The following PDGFC variants were observed in gnomAD, a reference collection of about 807,000 sequenced individuals.
The protein encoded by PDGFC is platelet-derived growth factor C.
PDGFC carries 12 observed loss-of-function variants against 35.5 expected under a neutral mutation model. The observed-to-expected ratio is 0.34, with a 90% CI of 0.22 to 0.55. The LOEUF is 0.55. PDGFC is among the 20% of genes least tolerant of loss of function. The probability of loss-of-function intolerance (pLI) is 0.91; values close to 1 mark genes in which losing one functional copy is unlikely to be tolerated. For synonymous variants in PDGFC, 159 were observed against 148.8 expected (o/e 1.07, Z -0.50); for missense variants, 322 against 412.4 (o/e 0.78, Z 1.90).
chr4:156,799,282 T>G (rs1731531851), intron 3 of PDGFC, among the ~76,000 whole-genome samples: 1 of 152,146 alleles, frequency 6.6e-6, no homozygotes, highest in Non-Finnish European at 1.5e-5. Flanking sequence ...AGTGGTAACA[T>G]CTATGCAGAC....
chr4:156,866,595 T>C (rs1385056299), intron 1 of PDGFC, among the ~76,000 whole-genome samples: 1 of 152,150 alleles, frequency 6.6e-6, no homozygotes, highest in East Asian at 1.9e-4. Context: ...ATTTCATGCA[T>C]ACACTACATT....
At chr4:156,810,108 A>C (rs1012023592) in intron 3 of PDGFC, among the ~76,000 whole-genome samples, 1 of 152,056 alleles carries the variant, frequency 6.6e-6, no homozygotes, top group East Asian at 1.9e-4. Context: ...GCAAATAATC[A>C]GTATTAAACT....
intron 1 of PDGFC, among the ~76,000 whole-genome samples, chr4:156,940,338 T>G (rs1392190890): frequency 1.3e-5 from 2 of 152,088 alleles, no homozygotes; most frequent in African/African-American, 4.8e-5. Flanking sequence ...AATAGTAAAG[T>G]AAATGCCCTA....
chr4:156,811,059 G>GT, intron 2 of PDGFC, 42 bp from the exon 3 acceptor site: 2 of 1,340,788 alleles, frequency 1.5e-6, no homozygotes, highest in South Asian at 2.9e-5. Flanking sequence ...TTCATAATCT[G>GT]TTATTCTGGC....
chr4:156,824,769 T>C lies in PDGFC; in HGVS notation c.315-13752A>G, dbSNP rs1732395000. 2.6e-5 allele frequency among the ~76,000 whole-genome samples: 4 copies of C among 152,280 alleles called. 1 individual carries two copies. The highest frequency in any genetic ancestry group is 6.8e-3 in the Middle Eastern group (2 of 294). On this transcript the variant is annotated intron_variant, in intron 2 of 5. Coordinates refer to ENST00000502773, the MANE Select transcript of PDGFC (RefSeq NM_016205.3). Reference sequence around the variant, plus strand: ...AATGTTAACTGAGAGATGGCTTCCATGACAAAGGACACTATTCATAGTCCT... The same window carrying C: ...AATGTTAACTGAGAGATGGCTTCCACGACAAAGGACACTATTCATAGTCCT...
chr4:156,780,635 T>C (rs1189858934), intron 3 of PDGFC, among the ~76,000 whole-genome samples: 2 of 152,176 alleles, frequency 1.3e-5, no homozygotes, highest in African/African-American at 4.8e-5. Flanking sequence ...GGCCTTACTT[T>C]GGAGTAAGAA....
intron 1 of PDGFC, among the ~76,000 whole-genome samples, chr4:156,954,540 G>A (rs552721275): frequency 6.6e-6 from 1 of 151,986 alleles, no homozygotes; most frequent in East Asian, 1.9e-4. Flanking sequence ...AACTTGCGAT[G>A]GTCATGCTCT....
intron 1 of PDGFC, among the ~76,000 whole-genome samples, chr4:156,900,102 T>A (rs2110759567): frequency 6.6e-6 from 1 of 152,290 alleles, no homozygotes; most frequent in South Asian, 2.1e-4. Flanking sequence ...TAAAGTCTCA[T>A]CCTCCTCATC....
chr4:156,969,111 A>G (rs1196833009), intron 1 of PDGFC, among the ~76,000 whole-genome samples: 1 of 152,184 alleles, frequency 6.6e-6, no homozygotes, highest in Non-Finnish European at 1.5e-5. Context: ...GCAATAGGAG[A>G]AATGATATGG....
At chr4:156,901,681 G>A (rs903627095) in intron 1 of PDGFC, among the ~76,000 whole-genome samples, 2 of 151,992 alleles carry the variant, frequency 1.3e-5, no homozygotes, top group African/African-American at 4.8e-5. Flanking sequence ...GAGTGCCAGT[G>A]GCACGATCTC....
intron 1 of PDGFC, among the ~76,000 whole-genome samples, chr4:156,867,425 G>A (rs1016625406): frequency 5.9e-5 from 9 of 152,172 alleles, no homozygotes; most frequent in African/African-American, 1.7e-4. Flanking sequence ...AGCATGCAAT[G>A]TCTTCACATT....
intron 1 of PDGFC, among the ~76,000 whole-genome samples, chr4:156,906,328 T>A (rs943421692): frequency 1.3e-5 from 2 of 152,156 alleles, no homozygotes; most frequent in Non-Finnish European, 1.5e-5. Context: ...TATAGTAAAT[T>A]CAATTTCTAT....
chr4:156,928,697 A>G (rs1043888315), intron 1 of PDGFC, among the ~76,000 whole-genome samples: 13 of 152,210 alleles, frequency 8.5e-5, no homozygotes, highest in Non-Finnish European at 4.4e-5. Flanking sequence ...TCTTTTTACC[A>G]TTTTTAAGAG....
intron 1 of PDGFC, among the ~76,000 whole-genome samples, chr4:156,895,646 A>AC (rs1179276354): frequency 6.6e-6 from 1 of 152,046 alleles, no homozygotes; most frequent in African/African-American, 2.4e-5. Context: ...AAAAAAAAAA[A>AC]AGTGGGTGCC....
chr4:156,943,137 G>A (rs1456162624), intron 1 of PDGFC, among the ~76,000 whole-genome samples: 1 of 151,972 alleles, frequency 6.6e-6, no homozygotes, highest in East Asian at 1.9e-4. Flanking sequence ...CCCTACCAAT[G>A]AGTAACAGAA....
At chr4:156,873,497 TAATA>T (rs1245670556) in intron 1 of PDGFC, among the ~76,000 whole-genome samples, 1 of 152,186 alleles carries the variant, frequency 6.6e-6, no homozygotes, top group African/African-American at 2.4e-5. Flanking sequence ...AGTTGATAAT[TAATA>T]AATATTCAGT....
intron 3 of PDGFC, among the ~76,000 whole-genome samples, chr4:156,782,071 C>T (rs1188648813): frequency 1.3e-5 from 2 of 152,092 alleles, no homozygotes; most frequent in Non-Finnish European, 2.9e-5. Context: ...TGTGGCAAAT[C>T]AGAGCTTGTC....
chr4:156,915,059 C>T (rs1019244470), intron 1 of PDGFC, among the ~76,000 whole-genome samples: 1 of 152,098 alleles, frequency 6.6e-6, no homozygotes, highest in East Asian at 1.9e-4. Flanking sequence ...TCCAAAACCA[C>T]ACACACACAA....
chr4:156,874,632 AAAG>A (rs556355955), intron 1 of PDGFC, among the ~76,000 whole-genome samples: 15 of 152,340 alleles, frequency 9.8e-5, no homozygotes, highest in East Asian at 7.7e-4. Flanking sequence ...GAGAAAAAGG[AAAG>A]AAGATGTTTA....
Sources: gnomAD v4.1 joint callset for allele counts (sites outside exome capture counted in the v4.1 genomes callset) on GRCh38, gnomAD v4.1.1 for gene constraint, MANE v1.5 for transcripts, NCBI Gene and HGNC (gene_info 2026-07-23, HGNC 2026-07-21) for gene names.